Variants in GPAM observed in about 807,000 individuals in gnomAD.
GPAM encodes glycerol-3-phosphate acyltransferase, mitochondrial.
A neutral mutation model predicts 105.0 loss-of-function variants in GPAM; 56 were observed. The ratio of observed to expected loss-of-function variants is 0.53; its 90% confidence interval spans 0.43 to 0.67. The LOEUF (loss-of-function observed/expected upper bound fraction) is 0.67. Among genes scored for constraint, GPAM ranks in the 30% least tolerant of loss-of-function variants. GPAM has a pLI of 0.00. For missense variants in GPAM, 855 were observed against 989.8 expected (o/e 0.86, Z 1.83); for synonymous variants, 368 against 354.4 (o/e 1.04, Z -0.43).
At chr10:112,216,052 A>C (rs1024139473), upstream of GPAM, among the ~76,000 whole-genome samples, 1 of 152,166 alleles carries the variant, frequency 6.6e-6, no homozygotes, top group Non-Finnish European at 1.5e-5. Flanking sequence ...AGCTGTGTCC[A>C]TGTGACTTTA....
At chr10:112,194,605 CT>C (rs1847701795) in intron 1 of GPAM, among the ~76,000 whole-genome samples, 1 of 152,170 alleles carries the variant, frequency 6.6e-6, no homozygotes, top group Non-Finnish European at 1.5e-5. Context: ...AAAAGAGATC[CT>C]AAGGTGGACT....
At chr10:112,194,094 C>T (rs1479625470) in intron 1 of GPAM, among the ~76,000 whole-genome samples, 1 of 152,226 alleles carries the variant, frequency 6.6e-6, no homozygotes, top group Non-Finnish European at 1.5e-5. Flanking sequence ...TGGGACTCTG[C>T]TCATAATGGT....
intron 1 of GPAM, among the ~76,000 whole-genome samples, chr10:112,192,181 A>G (rs1440411952): frequency 6.6e-6 from 1 of 152,198 alleles, no homozygotes. Flanking sequence ...AGACAGAGTA[A>G]TACAGTATTC....
At chr10:112,215,430 T>C (rs1281449781), upstream of GPAM, 2 of 152,230 alleles carry the variant, frequency 1.3e-5, no homozygotes, top group Non-Finnish European at 2.9e-5. Context: ...AATCAAATAA[T>C]AACCAGTCAG....
chr10:112,194,603 T>G (rs1479962290), intron 1 of GPAM, among the ~76,000 whole-genome samples: 3 of 152,188 alleles, frequency 2.0e-5, no homozygotes, highest in East Asian at 1.9e-4. Context: ...GGAAAAGAGA[T>G]CCTAAGGTGG....
intron 1 of GPAM, among the ~76,000 whole-genome samples, chr10:112,202,510 T>C (rs563957171): frequency 2.8e-4 from 43 of 152,340 alleles, no homozygotes; most frequent in African/African-American, 9.9e-4. Flanking sequence ...TGAGTTCTAA[T>C]AGGAATTATG....
Position 112,156,014 on chromosome 10 carries a change from A to G in GPAM, c.2161T>C (p.Leu721=), listed in dbSNP as rs1326544139. ...AGCAAAGGCCCAAGGAGTCTCTGTA[A>G]GAAGGTGATAAACTGCTGGTGCTCC... ...SKEHQQFITF[L]QRLLGPLLEA... The change falls in exon 20 of 22, where the codon TTA becomes CTA. Residue 721 remains leucine, a synonymous_variant. Coordinates refer to ENST00000348367, the MANE Select transcript of GPAM (RefSeq NM_001244949.2). The G allele has an allele frequency of 1.9e-6, 3 of 1,613,304 alleles. No homozygotes were observed. Among genetic ancestry groups the G allele is most frequent in the Middle Eastern group, 3.3e-4 (2 of 6,022 alleles).
At chr10:112,227,618 C>T in the GPAM span, among the ~76,000 whole-genome samples, 10 of 152,288 alleles carry the variant, frequency 6.6e-5, no homozygotes, top group African/African-American at 1.9e-4. Flanking sequence ...CCAAGACAGG[C>T]GAAAGAGGGC....
At chr10:112,163,912 C>T (rs1411030189) in intron 13 of GPAM, 96 bp from the exon 14 acceptor site, 1 of 711,592 alleles carries the variant, frequency 1.4e-6, no homozygotes, top group East Asian at 2.7e-5. Flanking sequence ...CTTTAAATTA[C>T]TATATATTTT....
chr10:112,215,137 A>G (rs1195873553), intron 1 of GPAM: 2 of 152,068 alleles, frequency 1.3e-5, no homozygotes, highest in African/African-American at 4.8e-5. Flanking sequence ...ATCCTAAGAA[A>G]TTACTCCCTG....
At chr10:112,218,274 C>T (rs763235846), upstream of GPAM, among the ~76,000 whole-genome samples, 32 of 152,146 alleles carry the variant, frequency 2.1e-4, no homozygotes, top group South Asian at 4.2e-4. Context: ...CAGGGGCACA[C>T]GGAAATGGAT....
At chr10:112,181,977 T>A (rs1159292140) in intron 2 of GPAM, among the ~76,000 whole-genome samples, 164 bp from the exon 3 acceptor site, 1 of 152,110 alleles carries the variant, frequency 6.6e-6, no homozygotes, top group South Asian at 2.1e-4. Context: ...TTTGATGTGT[T>A]TATATGAACA....
chr10:112,177,678 C>A (rs1398248591), intron 5 of GPAM, among the ~76,000 whole-genome samples: 1 of 152,150 alleles, frequency 6.6e-6, no homozygotes, highest in African/African-American at 2.4e-5. Context: ...TTCAAACCTA[C>A]CGGTCTTCTC....
chr10:112,154,046 C>G lies in GPAM; in HGVS notation c.2371-380G>C, dbSNP rs78628982. On this transcript the variant is annotated intron_variant, in intron 21 of 21. Coordinates refer to ENST00000348367, the MANE Select transcript of GPAM (RefSeq NM_001244949.2). The stretch of plus-strand genomic sequence containing the variant: ...CATGAATCATGAAGGTAAAGGACAC[C>G]TGAGGATACTTCTAGAAATTCTTGT... The G allele has an allele frequency of 4.8e-3, 988 of 205,868 alleles. 13 individuals are homozygous for G. The highest frequency in any genetic ancestry group is 0.021 in the African/African-American group (884 of 42,140). The allele number at this position is 205,868 out of a possible 1,614,324, so 12.8% of individuals were successfully genotyped here.
Position 112,160,073 on chromosome 10 carries a change from A to G in GPAM, c.1760-20T>C, listed in dbSNP as rs766657690. ...TGCAAGCTAAGAAAAGAAAAGCAAC[A>G]ATGAAGTTGCCAGCTCAAAGTCTCC... On this transcript the variant is annotated intron_variant, in intron 16 of 21. Coordinates refer to ENST00000348367, the MANE Select transcript of GPAM (RefSeq NM_001244949.2). 6 of 1,613,402 alleles carry G rather than the reference A, an allele frequency of 3.7e-6. No individual in the cohort carries two copies. The highest frequency in any genetic ancestry group is 3.3e-5 in the Admixed American group (2 of 60,020).
intron 4 of GPAM, among the ~76,000 whole-genome samples, chr10:112,179,976 C>A (rs1265186049): frequency 6.6e-6 from 1 of 152,108 alleles, no homozygotes; most frequent in East Asian, 1.9e-4. Flanking sequence ...AAACAACAAA[C>A]CCATATACAC....
At chr10:112,208,327 T>A (rs1589611519) in intron 1 of GPAM, among the ~76,000 whole-genome samples, 2 of 152,166 alleles carry the variant, frequency 1.3e-5, no homozygotes, top group South Asian at 2.1e-4. Context: ...AAATTAAACA[T>A]CCTGATAACC....
Position 112,176,160 on chromosome 10 carries a change from T to C in GPAM, c.300-447A>G, listed in dbSNP as rs546808950. 3.9e-5 allele frequency among the ~76,000 whole-genome samples: 6 copies of C among 152,332 alleles called. No homozygotes were observed. In the East Asian group the frequency reaches 7.7e-4, roughly 20 times the overall value. ...AAGACTAATTTTTTTTGTTAAGTTT[T>C]TGTTTGTTTTTTCCTAAGATAATCA... On this transcript the variant is annotated intron_variant, in intron 5 of 21. Transcript: ENST00000348367.
At chr10:112,192,814 G>A (rs567324622) in intron 1 of GPAM, among the ~76,000 whole-genome samples, 12 of 152,364 alleles carry the variant, frequency 7.9e-5, no homozygotes, top group African/African-American at 2.6e-4. Context: ...TTAGAGAAGG[G>A]TGAATCAAAA....
Sources: gnomAD v4.1 joint callset for allele counts (sites outside exome capture counted in the v4.1 genomes callset) on GRCh38, gnomAD v4.1.1 for gene constraint, MANE v1.5 for transcripts, NCBI Gene and HGNC (gene_info 2026-07-23, HGNC 2026-07-21) for gene names.